DLG2: variants seen among roughly 807,000 people sequenced by gnomAD.
DLG2 encodes the protein disks large homolog 2.
In DLG2, 45 loss-of-function variants were observed where a neutral mutation model predicts 132.5. The ratio of observed to expected loss-of-function variants is 0.34; its 90% CI spans 0.27 to 0.44. DLG2 has a LOEUF of 0.44. Ranked by LOEUF, DLG2 falls within the 20% of genes least tolerant of loss-of-function variation. DLG2 has a pLI of 1.00. For missense variants in DLG2, 1,045 were observed against 1,196.9 expected (o/e 0.87, Z 1.87); for synonymous variants, 424 against 419.6 (o/e 1.01, Z -0.13).
chr11:83,618,925 T>G (rs975654919), intron 19 of DLG2, among the ~76,000 whole-genome samples: 8 of 152,188 alleles, frequency 5.3e-5, no homozygotes, highest in African/African-American at 1.7e-4. Flanking sequence ...TAATAGCTTA[T>G]TATTTTCCTC....
intron 6 of DLG2, among the ~76,000 whole-genome samples, chr11:84,742,342 C>T (rs1286136854): frequency 1.3e-5 from 2 of 152,208 alleles, no homozygotes; most frequent in East Asian, 3.9e-4. Flanking sequence ...CTCTAAGTCA[C>T]ATTGTAGTCT....
chr11:85,360,636 C>A (rs560913533), intron 3 of DLG2, among the ~76,000 whole-genome samples: 2 of 152,188 alleles, frequency 1.3e-5, no homozygotes, highest in Admixed American at 1.3e-4. Context: ...GACTTTTATC[C>A]CACCACACAG....
intron 6 of DLG2, among the ~76,000 whole-genome samples, chr11:84,707,914 TC>T: frequency 6.6e-6 from 1 of 151,872 alleles, no homozygotes; most frequent in South Asian, 2.1e-4. Context: ...GCATGGTCAG[TC>T]CCCGGAAAAT....
chr11:83,502,396 T>G (rs2094484813), intron 21 of DLG2, among the ~76,000 whole-genome samples: 1 of 152,198 alleles, frequency 6.6e-6, no homozygotes, highest in South Asian at 2.1e-4. Flanking sequence ...ATAGCCACAA[T>G]AACTACTGCT....
chr11:85,322,175 A>G (rs2081119012), intron 3 of DLG2, among the ~76,000 whole-genome samples: 2 of 152,132 alleles, frequency 1.3e-5, no homozygotes, highest in South Asian at 4.1e-4. Flanking sequence ...CCTCATCTGT[A>G]CTTTGACTCC....
At chr11:84,309,039 G>A (rs376976451) in intron 7 of DLG2, among the ~76,000 whole-genome samples, 1 of 152,208 alleles carries the variant, frequency 6.6e-6, no homozygotes, top group Admixed American at 6.5e-5. Flanking sequence ...GGGTGCCCAG[G>A]CAGAGGAGGC....
At chr11:85,206,740 G>T (rs1164665790) in intron 4 of DLG2, among the ~76,000 whole-genome samples, 1 of 152,090 alleles carries the variant, frequency 6.6e-6, no homozygotes, top group Non-Finnish European at 1.5e-5. Context: ...GGCTGAGGAA[G>T]GGGAATTGCT....
chr11:83,829,702 C>T (rs888144807), intron 17 of DLG2, among the ~76,000 whole-genome samples: 4 of 151,892 alleles, frequency 2.6e-5, no homozygotes, highest in African/African-American at 9.7e-5. Flanking sequence ...CAATTAAATT[C>T]CAATAGTGAA....
intron 6 of DLG2, among the ~76,000 whole-genome samples, chr11:85,050,131 C>CAT (rs1222882766): frequency 4.0e-5 from 6 of 150,742 alleles, no homozygotes; most frequent in Non-Finnish European, 7.4e-5. Context: ...CACACACACA[C>CAT]ACACACACAC....
rs7935744 is a variant in DLG2 at position 85,522,653 on chromosome 11, T to C, written c.40+76004A>G. Reference sequence around the variant, plus strand: ...TGGGAGCCCACCGTTTGCATCAGCATGAACTGGATGTAAGACATGGAGTCA... The same window carrying C: ...TGGGAGCCCACCGTTTGCATCAGCACGAACTGGATGTAAGACATGGAGTCA... On this transcript the variant is annotated intron_variant, in intron 3 of 27. Transcript: ENST00000376104. Among the ~76,000 whole-genome samples, 974 of 152,332 alleles carry C rather than the reference T, an allele frequency of 6.4e-3. 10 individuals are homozygous for C. The highest frequency in any genetic ancestry group is 0.023 in the African/African-American group (937 of 41,582).
At chr11:83,947,928 T>C (rs2084465789) in intron 14 of DLG2, among the ~76,000 whole-genome samples, 1 of 152,162 alleles carries the variant, frequency 6.6e-6, no homozygotes, top group African/African-American at 2.4e-5. Context: ...GTACAACAGA[T>C]ATAATGGCAT....
At chr11:84,050,405 A>G (rs185382901) in intron 11 of DLG2, among the ~76,000 whole-genome samples, 1 of 151,948 alleles carries the variant, frequency 6.6e-6, no homozygotes, top group African/African-American at 2.4e-5. Context: ...TTCATTGTAG[A>G]TTCTGGATAT....
chr11:84,867,628 G>C (rs1322972816), intron 6 of DLG2, among the ~76,000 whole-genome samples: 1 of 152,210 alleles, frequency 6.6e-6, no homozygotes, highest in Non-Finnish European at 1.5e-5. Flanking sequence ...GCCAAGCACA[G>C]AGTAATAATA....
intron 18 of DLG2, among the ~76,000 whole-genome samples, chr11:83,709,362 C>T (rs2084854649): frequency 6.8e-6 from 1 of 147,770 alleles, no homozygotes; most frequent in African/African-American, 2.5e-5. Context: ...TATATACACA[C>T]ACACACACAT....
At chr11:83,478,300 T>C (rs1300191080) in intron 22 of DLG2, among the ~76,000 whole-genome samples, 2 of 152,126 alleles carry the variant, frequency 1.3e-5, no homozygotes, top group Non-Finnish European at 2.9e-5. Context: ...GAAAACAAAC[T>C]GAGTGGCTGG....
At chr11:84,480,558 A>C (rs746289141) in intron 7 of DLG2, among the ~76,000 whole-genome samples, 2 of 152,068 alleles carry the variant, frequency 1.3e-5, no homozygotes, top group Non-Finnish European at 2.9e-5. Context: ...AAAAAGAAAG[A>C]AAAAAATGGT....
chr11:83,472,849 A>G, intron 22 of DLG2, 72 bp from the exon 23 acceptor site: 1 of 1,262,710 alleles, frequency 7.9e-7, no homozygotes. Flanking sequence ...CTGCTCTGAA[A>G]CACAGGAAAC....
At chr11:84,004,150 G>T (rs1368848157) in intron 11 of DLG2, among the ~76,000 whole-genome samples, 1 of 151,910 alleles carries the variant, frequency 6.6e-6, no homozygotes, top group African/African-American at 2.4e-5. Context: ...AACTATACAT[G>T]AATATTCCTG....
At chr11:85,597,082 G>A (rs992087243) in intron 3 of DLG2, among the ~76,000 whole-genome samples, 3 of 152,230 alleles carry the variant, frequency 2.0e-5, no homozygotes, top group Admixed American at 6.5e-5. Context: ...CATTATTGGC[G>A]TTAAGCCAAG....
Sources: gnomAD v4.1 joint callset for allele counts (sites outside exome capture counted in the v4.1 genomes callset) on GRCh38, gnomAD v4.1.1 for gene constraint, MANE v1.5 for transcripts, NCBI Gene and HGNC (gene_info 2026-07-23, HGNC 2026-07-21) for gene names.